ZDHHC21: variants seen among roughly 807,000 people sequenced by gnomAD.
ZDHHC21 encodes zDHHC palmitoyltransferase 21.
Under a neutral mutation model 34.6 loss-of-function variants are expected in ZDHHC21, and 15 were observed. The observed-to-expected ratio is 0.43, with a 90% CI of 0.29 to 0.67. ZDHHC21 has a LOEUF of 0.67. ZDHHC21 is among the 30% of genes least tolerant of loss of function. The pLI, the probability that ZDHHC21 is intolerant of heterozygous loss-of-function variation, is 0.14. For missense variants in ZDHHC21, 344 were observed against 327.7 expected, an observed-to-expected ratio of 1.05 and a Z score of -0.38; for synonymous variants, 142 against 101.8, an observed-to-expected ratio of 1.40 and a Z score of -2.38.
intron 2 of ZDHHC21, among the ~76,000 whole-genome samples, chr9:14,688,215 T>C (rs974773017): frequency 6.6e-6 from 1 of 150,898 alleles, no homozygotes; most frequent in African/African-American, 2.5e-5. Context: ...AGTTTGACCA[T>C]CTGTAAAATG....
intron 7 of ZDHHC21, among the ~76,000 whole-genome samples, chr9:14,657,753 G>T (rs1472963085): frequency 6.6e-6 from 1 of 152,104 alleles, no homozygotes; most frequent in Admixed American, 6.5e-5. Context: ...CTCTTAGCCT[G>T]TCTTTGTTTT....
chr9:14,626,467 T>C (rs1826219464), intron 8 of ZDHHC21, among the ~76,000 whole-genome samples: 1 of 151,954 alleles, frequency 6.6e-6, no homozygotes, highest in Non-Finnish European at 1.5e-5. Flanking sequence ...TTTAAGGACA[T>C]ATAAATAAAT....
the ZDHHC21 span, chr9:14,589,241 C>A: frequency 2.0e-5 from 3 of 152,124 alleles, no homozygotes; most frequent in Admixed American, 1.3e-4. Context: ...GCAACTGCAA[C>A]TGCATTACTG....
intron 4 of ZDHHC21, among the ~76,000 whole-genome samples, chr9:14,673,362 G>A (rs969237597): frequency 6.6e-6 from 1 of 151,956 alleles, no homozygotes; most frequent in African/African-American, 2.4e-5. Context: ...ATGTTCAACT[G>A]TCCCTTTTGA....
chr9:14,652,405 TC>T (rs1182640205), intron 7 of ZDHHC21, among the ~76,000 whole-genome samples: 1 of 151,940 alleles, frequency 6.6e-6, no homozygotes, highest in Non-Finnish European at 1.5e-5. Flanking sequence ...CACATCTTAG[TC>T]CTTACTTCCT....
intron 7 of ZDHHC21, among the ~76,000 whole-genome samples, chr9:14,657,723 T>A (rs1328415065): frequency 6.6e-6 from 1 of 152,192 alleles, no homozygotes; most frequent in South Asian, 2.1e-4. Flanking sequence ...TACTGCACTA[T>A]ACTACAATGC....
At chr9:14,601,456 A>AT in the ZDHHC21 span, among the ~76,000 whole-genome samples, 1 of 152,244 alleles carries the variant, frequency 6.6e-6, no homozygotes, top group African/African-American at 2.4e-5. Flanking sequence ...ATACCATCTC[A>AT]TGCCAGTTAG....
At chr9:14,636,137 A>G (rs1045362478) in intron 8 of ZDHHC21, among the ~76,000 whole-genome samples, 1 of 152,188 alleles carries the variant, frequency 6.6e-6, no homozygotes, top group African/African-American at 2.4e-5. Context: ...AAATAAACAA[A>G]CAAACATGAC....
intron 7 of ZDHHC21, among the ~76,000 whole-genome samples, chr9:14,647,459 TCATAA>T (rs1242616908): frequency 3.9e-5 from 6 of 152,192 alleles, no homozygotes; most frequent in African/African-American, 7.2e-5. Flanking sequence ...GAACTGTAAC[TCATAA>T]CATAATTACA....
chr9:14,588,935 C>T, the ZDHHC21 span: 1 of 152,120 alleles, frequency 6.6e-6, no homozygotes, highest in African/African-American at 2.4e-5. Context: ...AGTACTATCC[C>T]TCGTGACCCA....
rs1340455592 is a variant in ZDHHC21 at position 14,612,275 on chromosome 9, T to G, written c.*6691A>C. On this transcript the variant is annotated 3_prime_UTR_variant, in exon 10 of 10. Coordinates refer to ENST00000380916, the MANE Select transcript of ZDHHC21 (RefSeq NM_178566.6). ...ATTGTATCTACATTCAAGGAGAGGT[T>G]GATTTTAGCTAACAATAATGCAAAA... 3 of 152,024 alleles carry G rather than the reference T, an allele frequency of 2.0e-5. No individual in the cohort carries two copies. Among genetic ancestry groups the G allele is most frequent in the African/African-American group, 7.2e-5 (3 of 41,446 alleles). The allele number at this position is 152,024 out of a possible 1,614,324, so 9.4% of individuals were successfully genotyped here.
In ZDHHC21 at chr9:14,616,692, A is replaced by G. The variant is rs1824248098; in HGVS notation, c.*2274T>C. ...TAGGTACGCTAACTGGGGAATACTG[A>G]AAGTTACAGTGTTAAGTATATATAG... On this transcript the variant is annotated 3_prime_UTR_variant, in exon 10 of 10. Coordinates refer to ENST00000380916, the MANE Select transcript of ZDHHC21 (RefSeq NM_178566.6). 1 of 151,858 alleles carries G rather than the reference A, an allele frequency of 6.6e-6. No homozygotes were observed. The highest frequency in any genetic ancestry group is 1.5e-5 in the Non-Finnish European group (1 of 67,824). 9.4% of individuals were successfully genotyped at this position (151,858 alleles called of 1,614,324 possible). A position where few individuals can be genotyped will look rare whatever the true frequency, so the allele number is the denominator to read the frequency against.
chr9:14,662,647 G>A (rs1198234650), intron 5 of ZDHHC21, among the ~76,000 whole-genome samples: 9 of 152,126 alleles, frequency 5.9e-5, no homozygotes, highest in Non-Finnish European at 1.0e-4. Context: ...AAACCCTAGA[G>A]CCCAACCAAA....
chr9:14,661,076 C>G, intron 6 of ZDHHC21, among the ~76,000 whole-genome samples: 1 of 152,114 alleles, frequency 6.6e-6, no homozygotes, highest in South Asian at 2.1e-4. Flanking sequence ...ATTCAAGGCA[C>G]AGTTTTGAAT....
At position 14,679,611 on chromosome 9, in the gene ZDHHC21, T is replaced by C. The variant is rs192797002; in HGVS notation, c.-46+422A>G. On this transcript the variant is annotated intron_variant, in intron 3 of 9. Transcript: ENST00000380916. Reference sequence around the variant, plus strand: ...GTTCTTCTAAGTTTATCAACAACCATGTACTTCTAAATTCTTTTCAATTAA... The same window carrying C: ...GTTCTTCTAAGTTTATCAACAACCACGTACTTCTAAATTCTTTTCAATTAA... Among the ~76,000 whole-genome samples, 10 of 152,268 alleles carry C rather than the reference T, an allele frequency of 6.6e-5. 1 individual carries two copies. The East Asian group carries it at 1.9e-3, about 29-fold the overall frequency.
At chr9:14,659,769 C>T (rs1833006603) in intron 6 of ZDHHC21, among the ~76,000 whole-genome samples, 1 of 152,056 alleles carries the variant, frequency 6.6e-6, no homozygotes, top group African/African-American at 2.4e-5. Flanking sequence ...AACTGAAAAA[C>T]CTTAGAGAGG....
the ZDHHC21 span, among the ~76,000 whole-genome samples, chr9:14,593,389 C>T: frequency 1.3e-5 from 2 of 152,100 alleles, no homozygotes; most frequent in African/African-American, 2.4e-5. Flanking sequence ...TATTAGATAA[C>T]GTGAATAAAA....
chr9:14,679,775 G>T (rs886658234), intron 3 of ZDHHC21, among the ~76,000 whole-genome samples: 2 of 151,968 alleles, frequency 1.3e-5, no homozygotes, highest in Non-Finnish European at 2.9e-5. Flanking sequence ...AGAAGGATTC[G>T]CTGTAAAGCC....
chr9:14,629,094 A>G (rs72704914), intron 8 of ZDHHC21, among the ~76,000 whole-genome samples: 27,080 of 152,204 alleles, frequency 0.18, 2,550 homozygotes, highest in Admixed American at 0.21. Context: ...GATAACAAAT[A>G]GAATATATCC....
Sources: gnomAD v4.1 joint callset for allele counts (sites outside exome capture counted in the v4.1 genomes callset) on GRCh38, gnomAD v4.1.1 for gene constraint, MANE v1.5 for transcripts, NCBI Gene and HGNC (gene_info 2026-07-23, HGNC 2026-07-21) for gene names.